Variants in EXOC4 observed in about 807,000 individuals in gnomAD.
EXOC4 encodes exocyst complex component 4.
In EXOC4, 71 loss-of-function variants were observed where a neutral mutation model predicts 107.2. The observed-to-expected ratio is 0.66, with a 90% CI of 0.55 to 0.81. EXOC4 has a LOEUF of 0.81. Among genes scored for constraint, EXOC4 ranks in the 30% least tolerant of loss-of-function variants. The pLI is 0.00. For synonymous variants in EXOC4, 456 were observed against 441.2 expected (o/e 1.03, Z -0.42); for missense variants, 1,108 against 1,189.6 (o/e 0.93, Z 1.01).
chr7:133,972,898 C>G (rs1801274759), intron 14 of EXOC4, among the ~76,000 whole-genome samples: 1 of 152,138 alleles, frequency 6.6e-6, no homozygotes, highest in South Asian at 2.1e-4. Context: ...GTAGGCATCC[C>G]CTGCTGAGGG....
At chr7:133,545,748 A>G (rs1224420301) in intron 9 of EXOC4, among the ~76,000 whole-genome samples, 4 of 152,150 alleles carry the variant, frequency 2.6e-5, no homozygotes, top group Admixed American at 2.0e-4. Context: ...TGCAGTCTAT[A>G]TCTATTGCTT....
At chr7:133,997,117 T>C (rs764464149) in intron 14 of EXOC4, among the ~76,000 whole-genome samples, 1 of 152,246 alleles carries the variant, frequency 6.6e-6, no homozygotes, top group Non-Finnish European at 1.5e-5. Flanking sequence ...AGCCAGAATG[T>C]GGACAGCCAC....
chr7:133,432,466 A>G (rs73724584), intron 7 of EXOC4, among the ~76,000 whole-genome samples: 9,847 of 152,196 alleles, frequency 0.065, 1,107 homozygotes, highest in African/African-American at 0.22. Flanking sequence ...GACCTTCTTA[A>G]GAAAATTTTG....
chr7:134,010,473 A>C (rs1453545614), intron 17 of EXOC4, among the ~76,000 whole-genome samples: 2 of 152,120 alleles, frequency 1.3e-5, no homozygotes, highest in African/African-American at 4.8e-5. Context: ...ATACAGACAC[A>C]CTTTATAGCC....
intron 10 of EXOC4, among the ~76,000 whole-genome samples, chr7:133,666,622 G>T (rs1485807565): frequency 6.6e-6 from 1 of 152,126 alleles, no homozygotes; most frequent in Non-Finnish European, 1.5e-5. Context: ...TTGGTAGCTG[G>T]TTGGCTTTGA....
At position 133,567,886 on chromosome 7, in the gene EXOC4, A is replaced by G. The variant is rs569286955; in HGVS notation, c.1418-62159A>G. 2.0e-5 allele frequency among the ~76,000 whole-genome samples: 3 copies of G among 152,300 alleles called. No homozygotes were observed. The South Asian group carries it at 6.2e-4, about 32-fold the overall frequency. ...TCATGCATGAGGACTCTGCCTCTTG[A>G]AGGTTCTACCTGTCAACCCTCTTAC... On this transcript the variant is annotated intron_variant, in intron 9 of 17. Transcript: ENST00000253861.
At chr7:133,642,409 C>T (rs1329251824) in intron 10 of EXOC4, among the ~76,000 whole-genome samples, 1 of 152,172 alleles carries the variant, frequency 6.6e-6, no homozygotes, top group Non-Finnish European at 1.5e-5. Context: ...GGCAGTTTCA[C>T]CTCTGATCTT....
downstream of EXOC4, among the ~76,000 whole-genome samples, chr7:134,070,515 T>C (rs111831876): frequency 0.012 from 1,779 of 152,248 alleles, 46 homozygotes; most frequent in African/African-American, 0.041. Context: ...GAGCTGGAAA[T>C]TTCTTTAAAA....
chr7:133,889,261 A>T (rs1799153533), intron 11 of EXOC4, among the ~76,000 whole-genome samples: 1 of 152,040 alleles, frequency 6.6e-6, no homozygotes, highest in South Asian at 2.1e-4. Flanking sequence ...CATGATAGCG[A>T]CTTGAAAATC....
chr7:133,709,800 A>G (rs182706337), intron 10 of EXOC4, among the ~76,000 whole-genome samples: 2 of 152,230 alleles, frequency 1.3e-5, no homozygotes. Flanking sequence ...TTCCTCCTCT[A>G]TAAAATGGGG....
At chr7:133,390,003 A>G (rs1217099195) in intron 7 of EXOC4, among the ~76,000 whole-genome samples, 1 of 152,058 alleles carries the variant, frequency 6.6e-6, no homozygotes, top group Non-Finnish European at 1.5e-5. Context: ...ACCTGCTCCT[A>G]TGATTCAGTC....
chr7:133,985,325 T>G (rs1794090126), intron 14 of EXOC4, among the ~76,000 whole-genome samples: 1 of 152,230 alleles, frequency 6.6e-6, no homozygotes, highest in African/African-American at 2.4e-5. Flanking sequence ...TGGGTCATTC[T>G]TGTCATCCCC....
the EXOC4 span, among the ~76,000 whole-genome samples, chr7:134,073,217 A>AAAC: frequency 2.2e-5 from 1 of 45,224 alleles, no homozygotes; most frequent in East Asian, 7.0e-4. Context: ...AAAAAAAAAA[A>AAAC]AAAAAAAAAA....
chr7:133,786,061 A>G (rs1403484875), intron 10 of EXOC4, among the ~76,000 whole-genome samples: 1 of 152,214 alleles, frequency 6.6e-6, no homozygotes, highest in Admixed American at 6.5e-5. Context: ...CAGTATACCA[A>G]CTATATCAAT....
At chr7:133,517,749 A>G (rs982195572) in intron 9 of EXOC4, among the ~76,000 whole-genome samples, 1 of 152,162 alleles carries the variant, frequency 6.6e-6, no homozygotes, top group African/African-American at 2.4e-5. Flanking sequence ...GGGAGCTACA[A>G]GTCAAGGTGA....
chr7:133,497,815 A>C (rs1799506444), intron 9 of EXOC4, among the ~76,000 whole-genome samples: 1 of 152,114 alleles, frequency 6.6e-6, no homozygotes, highest in Non-Finnish European at 1.5e-5. Context: ...AATGAGGAAG[A>C]CATGTCTATC....
At chr7:134,055,489 C>T (rs1344931666) in intron 17 of EXOC4, among the ~76,000 whole-genome samples, 1 of 152,192 alleles carries the variant, frequency 6.6e-6, no homozygotes, top group African/African-American at 2.4e-5. Context: ...ATCACGCTTT[C>T]GTTGATGGGA....
chr7:133,996,536 C>A (rs911486134), intron 14 of EXOC4, among the ~76,000 whole-genome samples: 2 of 151,930 alleles, frequency 1.3e-5, no homozygotes, highest in African/African-American at 4.8e-5. Flanking sequence ...TTTAATAAAT[C>A]GTTTTGGAAA....
intron 9 of EXOC4, among the ~76,000 whole-genome samples, chr7:133,521,417 C>T (rs1799977411): frequency 1.3e-5 from 2 of 152,226 alleles, no homozygotes; most frequent in South Asian, 4.1e-4. Context: ...GTGGCTCTAT[C>T]TAAGGCTGTT....
Sources: gnomAD v4.1 joint callset for allele counts (sites outside exome capture counted in the v4.1 genomes callset) on GRCh38, gnomAD v4.1.1 for gene constraint, MANE v1.5 for transcripts, NCBI Gene and HGNC (gene_info 2026-07-23, HGNC 2026-07-21) for gene names.